NIPBL: variants seen among roughly 807,000 people sequenced by gnomAD.
NIPBL encodes NIPBL cohesin loading factor.
Under a neutral mutation model 321.8 loss-of-function variants are expected in NIPBL, and 19 were observed. The observed-to-expected ratio is 0.06, with a 90% CI of 0.04 to 0.09. NIPBL has a LOEUF of 0.09. Among genes scored for constraint, NIPBL ranks in the 10% least tolerant of loss-of-function variants. NIPBL has a pLI of 1.00. For synonymous variants in NIPBL, 1,106 were observed against 1,114.1 expected (o/e 0.99, Z 0.14); for missense variants, 2,210 against 3,327.0 (o/e 0.66, Z 8.26).
rs1355591295 is a variant in NIPBL at position 37,038,786 on chromosome 5, T to C, written c.6108+48T>C. ...CTTGTATCTTACATAAAACATTAAG[T>C]GCTTTAAATTTAGAGTTCACATGCG... On this transcript the variant is annotated intron_variant, in intron 34 of 46. Coordinates refer to ENST00000282516, the MANE Select transcript of NIPBL (RefSeq NM_133433.4). The C allele has an allele frequency of 3.1e-6, 5 of 1,591,202 alleles. No homozygotes were observed. The Admixed American group carries it at 8.5e-5, about 27-fold the overall frequency.
chr5:36,879,896 A>G (rs1028426713), intron 1 of NIPBL, among the ~76,000 whole-genome samples: 4 of 152,142 alleles, frequency 2.6e-5, no homozygotes, highest in Non-Finnish European at 5.9e-5. Flanking sequence ...AGAAGTGTAT[A>G]TAGGATGCTT....
chr5:36,929,088 G>A (rs1298496416), intron 1 of NIPBL, among the ~76,000 whole-genome samples: 1 of 152,154 alleles, frequency 6.6e-6, no homozygotes, highest in African/African-American at 2.4e-5. Flanking sequence ...CTGTATTCCA[G>A]TGTGGCTGTA....
intron 34 of NIPBL, among the ~76,000 whole-genome samples, chr5:37,043,033 TCTAC>T (rs561018809): frequency 6.5e-4 from 99 of 152,176 alleles, no homozygotes; most frequent in African/African-American, 2.2e-3. Flanking sequence ...TTAAAAAGTC[TCTAC>T]CTGTTTTTTT....
intron 1 of NIPBL, among the ~76,000 whole-genome samples, chr5:36,936,738 A>T (rs1463054661): frequency 6.6e-6 from 1 of 152,162 alleles, no homozygotes; most frequent in African/African-American, 2.4e-5. Context: ...CTGATTGATT[A>T]ACCTCATCTT....
chr5:36,945,752 C>A (rs375769191), intron 1 of NIPBL, among the ~76,000 whole-genome samples: 48 of 152,036 alleles, frequency 3.2e-4, no homozygotes, highest in Admixed American at 2.4e-3. Flanking sequence ...TTATTGGGAA[C>A]TTTTTGTTTT....
intron 2 of NIPBL, among the ~76,000 whole-genome samples, chr5:36,954,564 A>T (rs1740735485): frequency 6.6e-6 from 1 of 152,212 alleles, no homozygotes; most frequent in Admixed American, 6.5e-5. Flanking sequence ...TAGGTAAGGC[A>T]TAAATAGGAG....
intron 40 of NIPBL, 126 bp downstream of exon 40, chr5:37,049,427 G>A: frequency 9.7e-7 from 1 of 1,033,866 alleles, no homozygotes; most frequent in Non-Finnish European, 1.5e-6. Flanking sequence ...AAACTCTTAA[G>A]AATCTGGCAG....
intron 24 of NIPBL, among the ~76,000 whole-genome samples, chr5:37,018,356 G>A (rs990924655): frequency 6.6e-6 from 1 of 152,038 alleles, no homozygotes; most frequent in South Asian, 2.1e-4. Flanking sequence ...ATAATTTGTT[G>A]CCATCATTAT....
At chr5:36,903,806 A>G (rs1747417893) in intron 1 of NIPBL, among the ~76,000 whole-genome samples, 1 of 152,220 alleles carries the variant, frequency 6.6e-6, no homozygotes, top group African/African-American at 2.4e-5. Context: ...AGGAGATACT[A>G]CACCATCCAA....
intron 40 of NIPBL, among the ~76,000 whole-genome samples, chr5:37,050,435 G>A (rs543171015): frequency 1.1e-4 from 16 of 149,286 alleles, no homozygotes; most frequent in African/African-American, 1.7e-4. Flanking sequence ...AGCTGAGACC[G>A]TGCCATTGCA....
chr5:37,046,251 ATTTTTAAATATTGTG>A (rs761834682), intron 38 of NIPBL, 52 bp downstream of exon 38: 4 of 933,376 alleles, frequency 4.3e-6, no homozygotes, highest in Non-Finnish European at 7.1e-6. Context: ...GATAGAGCAT[ATTTTTAAATATTGTG>A]AATCTAAATT....
At chr5:36,947,408 C>T (rs1184134225) in intron 1 of NIPBL, among the ~76,000 whole-genome samples, 1 of 151,980 alleles carries the variant, frequency 6.6e-6, no homozygotes, top group Admixed American at 6.6e-5. Flanking sequence ...CTCTTTCTCC[C>T]CCACCCTATC....
chr5:36,916,281 A>C (rs1402605892), intron 1 of NIPBL, among the ~76,000 whole-genome samples: 1 of 152,226 alleles, frequency 6.6e-6, no homozygotes, highest in Non-Finnish European at 1.5e-5. Context: ...CTATTTTCAC[A>C]GTTACTTACT....
intron 1 of NIPBL, among the ~76,000 whole-genome samples, chr5:36,937,273 T>G (rs1738535936): frequency 6.6e-6 from 1 of 152,208 alleles, no homozygotes; most frequent in Non-Finnish European, 1.5e-5. Flanking sequence ...CCTTCTCATT[T>G]ATTCCTTGCC....
chr5:36,905,765 A>T (rs1319298725), intron 1 of NIPBL, among the ~76,000 whole-genome samples: 1 of 151,516 alleles, frequency 6.6e-6, no homozygotes. Context: ...TTTTTTTGAG[A>T]TGAAGTCTCA....
intron 1 of NIPBL, among the ~76,000 whole-genome samples, chr5:36,917,505 A>G (rs138266510): frequency 0.042 from 6,408 of 151,992 alleles, 464 homozygotes; most frequent in African/African-American, 0.15. Context: ...CCATTTGTCA[A>G]TTTTGGCTTT....
At chr5:36,953,546 G>T in intron 1 of NIPBL, 72 bp from the exon 2 acceptor site, 7 of 700,624 alleles carry the variant, frequency 1.0e-5, no homozygotes, top group African/African-American at 5.3e-5. Flanking sequence ...TTTTTATAGT[G>T]ATTAAGCATT....
rs763576119 is a variant in NIPBL at position 37,052,538 on chromosome 5, C to G, written c.7235C>G (p.Ser2412Cys). 4.3e-6 allele frequency: 7 copies of G among 1,614,102 alleles called. No individual in the cohort carries two copies. The highest frequency in any genetic ancestry group is 1.3e-5 in the African/African-American group (1 of 75,038). Reference protein sequence around the residue: ...NRQHRRAFLISLLNLFDDTAK... With the variant: ...NRQHRRAFLICLLNLFDDTAK... Reference sequence around the variant, plus strand: ...CAACACAGACGAGCCTTTCTTATTTCTTTACTCAACCTCTTTGATGACACA... The same window carrying G: ...CAACACAGACGAGCCTTTCTTATTTGTTTACTCAACCTCTTTGATGACACA... Residue 2412 changes from serine (S) to cysteine (C), a missense_variant, in exon 42 of 47, where the codon TCT becomes TGT. By Grantham distance (112) the Ser-to-Cys change is moderately radical (BLOSUM62 -1). Coordinates refer to ENST00000282516, the MANE Select transcript of NIPBL (RefSeq NM_133433.4).
intron 1 of NIPBL, among the ~76,000 whole-genome samples, chr5:36,937,400 G>GGT (rs1239896316): frequency 2.0e-5 from 3 of 152,108 alleles, no homozygotes; most frequent in African/African-American, 7.2e-5. Context: ...ACTGACTAAA[G>GGT]GTTGGCATTC....
Sources: gnomAD v4.1 joint callset for allele counts (sites outside exome capture counted in the v4.1 genomes callset) on GRCh38, gnomAD v4.1.1 for gene constraint, MANE v1.5 for transcripts, NCBI Gene and HGNC (gene_info 2026-07-23, HGNC 2026-07-21) for gene names.